The following AGBL1 variants were observed in gnomAD, a reference collection of about 807,000 sequenced individuals.
The protein encoded by AGBL1 is cytosolic carboxypeptidase 4.
Under a neutral mutation model 118.9 loss-of-function variants are expected in AGBL1, and 130 were observed. The ratio of observed to expected loss-of-function variants is 1.09; its 90% confidence interval spans 0.95 to 1.26. The LOEUF (loss-of-function observed/expected upper bound fraction) is 1.26. Ranked by LOEUF, AGBL1 falls within the 50% of genes most tolerant of loss-of-function variation. The pLI, the probability that AGBL1 is intolerant of heterozygous loss-of-function variation, is 0.00. For synonymous variants in AGBL1, 555 were observed against 478.9 expected, an observed-to-expected ratio of 1.16 and a Z score of -2.08; for missense variants, 1,584 against 1,298.1, an observed-to-expected ratio of 1.22 and a Z score of -3.38.
At chr15:86,706,174 A>G (rs895123861) in intron 22 of AGBL1, among the ~76,000 whole-genome samples, 17 of 152,132 alleles carry the variant, frequency 1.1e-4, no homozygotes, top group African/African-American at 3.6e-4. Flanking sequence ...TAAATTAACT[A>G]TATATTATAT....
intron 21 of AGBL1, among the ~76,000 whole-genome samples, chr15:86,573,906 A>G (rs1362973233): frequency 6.6e-6 from 1 of 152,232 alleles, no homozygotes; most frequent in Admixed American, 6.5e-5. Context: ...ACCCCCAAGT[A>G]TTCCTGAAAA....
intron 24 of AGBL1, among the ~76,000 whole-genome samples, chr15:87,025,661 A>G (rs963468572): frequency 3.3e-5 from 5 of 152,186 alleles, no homozygotes; most frequent in Non-Finnish European, 5.9e-5. Context: ...TAAAATTCAT[A>G]TGGAACCAAA....
intron 15 of AGBL1, among the ~76,000 whole-genome samples, chr15:86,272,196 G>A (rs2079173237): frequency 6.6e-6 from 1 of 152,144 alleles, no homozygotes; most frequent in African/African-American, 2.4e-5. Context: ...AATAAAAGAG[G>A]GAGGAGTTTC....
chr15:86,144,572 A>G (rs1168148647), intron 3 of AGBL1, among the ~76,000 whole-genome samples: 2 of 152,184 alleles, frequency 1.3e-5, no homozygotes, highest in African/African-American at 4.8e-5. Context: ...ACAGAAAACC[A>G]AATACCTCAT....
At chr15:86,232,294 G>C (rs902549279) in intron 6 of AGBL1, among the ~76,000 whole-genome samples, 1 of 152,216 alleles carries the variant, frequency 6.6e-6, no homozygotes, top group Admixed American at 6.5e-5. Flanking sequence ...GGCGGGCCTT[G>C]GGCTGAGCCG....
intron 17 of AGBL1, among the ~76,000 whole-genome samples, chr15:86,320,902 G>T (rs1464854979): frequency 6.6e-6 from 1 of 151,554 alleles, no homozygotes; most frequent in Non-Finnish European, 1.5e-5. Flanking sequence ...ATAATCACAT[G>T]AATTGATTTT....
intron 21 of AGBL1, among the ~76,000 whole-genome samples, chr15:86,573,585 T>C (rs2084040227): frequency 6.6e-6 from 1 of 152,238 alleles, no homozygotes; most frequent in African/African-American, 2.4e-5. Context: ...TCTTTCATCC[T>C]ACTTCCTCCT....
chr15:86,168,686 G>C lies in AGBL1; in HGVS notation c.488+9660G>C, dbSNP rs1043560632. On this transcript the variant is annotated intron_variant, in intron 5 of 22. Transcript: ENST00000614907. ...GGGAAACAGCTTATGATAAAATATT[G>C]ACTAGAAAAAGTAAGTCTCAAAGTT... is the stretch of plus-strand genomic sequence containing the variant. Among the ~76,000 whole-genome samples, 5 of 152,120 alleles carry C rather than the reference G, an allele frequency of 3.3e-5. No individual in the cohort carries two copies. The South Asian group carries it at 1.0e-3, about 32-fold the overall frequency.
In AGBL1 at chr15:86,407,885, CT is replaced by C. The variant is rs201837807; in HGVS notation, c.2555+10341del. On this transcript the variant is annotated intron_variant, in intron 18 of 22. Transcript: ENST00000614907. ...CCATGATTCGCTGGTCCACATTTGG[CT>C]TCTGAAATGCACATTCCCTGTATGC... Among the ~76,000 whole-genome samples, 828 of 152,190 alleles carry C rather than the reference CT, an allele frequency of 5.4e-3. 8 individuals carry two copies. Among genetic ancestry groups the C allele is most frequent in the African/African-American group, 0.017 (711 of 41,514 alleles).
At chr15:86,501,845 G>A (rs1163041244) in intron 18 of AGBL1, among the ~76,000 whole-genome samples, 1 of 151,498 alleles carries the variant, frequency 6.6e-6, no homozygotes, top group Non-Finnish European at 1.5e-5. Flanking sequence ...TCTGATAATT[G>A]TAACTTTGAT....
At chr15:86,103,551 G>C (rs1896858354) in intron 1 of AGBL1, among the ~76,000 whole-genome samples, 1 of 152,156 alleles carries the variant, frequency 6.6e-6, no homozygotes, top group Admixed American at 6.5e-5. Flanking sequence ...GGTTAGCTAG[G>C]ACACTTTGGC....
intron 21 of AGBL1, among the ~76,000 whole-genome samples, chr15:86,591,859 C>A (rs2084341370): frequency 6.6e-6 from 1 of 152,160 alleles, no homozygotes; most frequent in Non-Finnish European, 1.5e-5. Flanking sequence ...CTAATTGTAT[C>A]TTGGTCTTTC....
intron 17 of AGBL1, among the ~76,000 whole-genome samples, chr15:86,379,876 A>AAAAC (rs1196710091): frequency 6.6e-6 from 1 of 152,216 alleles, no homozygotes; most frequent in East Asian, 1.9e-4. Context: ...TCTCACTTAA[A>AAAAC]AAACAACTGT....
At chr15:86,166,696 G>A (rs1464271601) in intron 5 of AGBL1, among the ~76,000 whole-genome samples, 1 of 152,164 alleles carries the variant, frequency 6.6e-6, no homozygotes. Context: ...GTGTTGGACT[G>A]GTGAGCAGAT....
At chr15:86,406,750 A>G (rs1450452812) in intron 18 of AGBL1, among the ~76,000 whole-genome samples, 1 of 152,212 alleles carries the variant, frequency 6.6e-6, no homozygotes, top group African/African-American at 2.4e-5. Flanking sequence ...TTCATAAGAT[A>G]ATATATTTTG....
chr15:86,152,773 A>G (rs1177757567), intron 3 of AGBL1, among the ~76,000 whole-genome samples: 1 of 152,230 alleles, frequency 6.6e-6, no homozygotes, highest in African/African-American at 2.4e-5. Context: ...CTATCTGACA[A>G]AGGGCTAATC....
At chr15:86,180,001 A>T (rs2077530806) in intron 5 of AGBL1, among the ~76,000 whole-genome samples, 1 of 152,172 alleles carries the variant, frequency 6.6e-6, no homozygotes, top group Non-Finnish European at 1.5e-5. Context: ...AAGATGTAAA[A>T]GACCTGTACA....
At chr15:86,899,519 C>T (rs905491621) in intron 22 of AGBL1, among the ~76,000 whole-genome samples, 1 of 152,046 alleles carries the variant, frequency 6.6e-6, no homozygotes, top group Non-Finnish European at 1.5e-5. Flanking sequence ...TTCACAAGTA[C>T]CCCTGAACCT....
intron 22 of AGBL1, among the ~76,000 whole-genome samples, chr15:86,756,540 A>G (rs1346589191): frequency 6.6e-6 from 1 of 152,098 alleles, no homozygotes; most frequent in African/African-American, 2.4e-5. Flanking sequence ...GCAGGTGTGG[A>G]AAGAATTTAA....
Sources: allele counts gnomAD v4.1 joint callset (sites outside exome capture counted in the v4.1 genomes callset), GRCh38; gene constraint gnomAD v4.1.1; transcripts MANE v1.5; gene names NCBI Gene and HGNC (gene_info 2026-07-23, HGNC 2026-07-21).